The following SPOCK1 variants were observed in gnomAD, a reference collection of about 807,000 sequenced individuals.
The protein encoded by SPOCK1 is SPARC (osteonectin), cwcv and kazal like domains proteoglycan 1.
SPOCK1 carries 23 observed loss-of-function variants against 55.3 expected under a neutral mutation model. That is an observed-to-expected ratio of 0.42 (90% CI 0.30 to 0.59). The LOEUF is 0.59. SPOCK1 is among the 20% of genes least tolerant of loss of function. SPOCK1 has a pLI of 0.22. For synonymous variants in SPOCK1, 226 were observed against 221.0 expected (o/e 1.02, Z -0.20); for missense variants, 499 against 552.5 (o/e 0.90, Z 0.97).
intron 3 of SPOCK1, among the ~76,000 whole-genome samples, chr5:137,233,713 C>CTTTTTTTTTTTTTTTTTTTTT (rs56328555): frequency 5.6e-4 from 33 of 58,412 alleles, no homozygotes; most frequent in African/African-American, 8.2e-4. Flanking sequence ...AGGATATGCA[C>CTTTTTTTTTTTTTTTTTTTTT]TTTTTTTTTT....
chr5:137,224,414 C>A (rs1755911137), intron 3 of SPOCK1, among the ~76,000 whole-genome samples: 1 of 152,184 alleles, frequency 6.6e-6, no homozygotes, highest in Admixed American at 6.5e-5. Context: ...TTTCAAGGTA[C>A]AGACTCCAAA....
chr5:137,285,048 C>T (rs985615871), intron 2 of SPOCK1, among the ~76,000 whole-genome samples: 5 of 152,180 alleles, frequency 3.3e-5, no homozygotes, highest in African/African-American at 1.2e-4. Flanking sequence ...GCCCACAGTT[C>T]GATATGTGAA....
intron 2 of SPOCK1, among the ~76,000 whole-genome samples, chr5:137,366,263 A>G (rs116252381): frequency 1.1e-3 from 162 of 152,274 alleles, no homozygotes; most frequent in African/African-American, 3.6e-3. Context: ...GACAATTTTG[A>G]TGTTTTCAAA....
chr5:137,439,235 G>A (rs1185556478), intron 2 of SPOCK1, among the ~76,000 whole-genome samples: 1 of 152,178 alleles, frequency 6.6e-6, no homozygotes, highest in South Asian at 2.1e-4. Flanking sequence ...AATGCTGGAT[G>A]AAGAGTCAAA....
At chr5:137,164,216 TAA>T (rs1754608563) in intron 3 of SPOCK1, among the ~76,000 whole-genome samples, 2 of 152,162 alleles carry the variant, frequency 1.3e-5, no homozygotes, top group Admixed American at 1.3e-4. Context: ...TCTACCAGAT[TAA>T]GTTTGTCTTT....
chr5:137,430,520 C>G (rs1752722051), intron 2 of SPOCK1, among the ~76,000 whole-genome samples: 1 of 152,216 alleles, frequency 6.6e-6, no homozygotes, highest in Admixed American at 6.5e-5. Flanking sequence ...GAGACACAGC[C>G]TCTGCCCCAG....
At chr5:137,007,728 T>G (rs1209226107) in intron 6 of SPOCK1, among the ~76,000 whole-genome samples, 1 of 152,144 alleles carries the variant, frequency 6.6e-6, no homozygotes, top group African/African-American at 2.4e-5. Flanking sequence ...GAAGACAATG[T>G]GGCGATTCCT....
intron 5 of SPOCK1, among the ~76,000 whole-genome samples, chr5:137,076,102 C>T (rs1332092416): frequency 3.9e-5 from 6 of 152,292 alleles, no homozygotes; most frequent in Non-Finnish European, 2.9e-5. Flanking sequence ...ACAGCCTCAC[C>T]ATGCAAGGCC....
intron 2 of SPOCK1, among the ~76,000 whole-genome samples, chr5:137,497,013 C>T (rs1285782182): frequency 6.6e-6 from 1 of 152,152 alleles, no homozygotes; most frequent in African/African-American, 2.4e-5. Context: ...GAGTGATAAA[C>T]CCCCACACAA....
At chr5:137,410,953 A>G (rs1288254516) in intron 2 of SPOCK1, among the ~76,000 whole-genome samples, 1 of 152,238 alleles carries the variant, frequency 6.6e-6, no homozygotes, top group Non-Finnish European at 1.5e-5. Flanking sequence ...TGGGGACCTC[A>G]GGAAAGTTTG....
chr5:137,007,448 A>G (rs1751270671), intron 6 of SPOCK1, among the ~76,000 whole-genome samples: 1 of 152,106 alleles, frequency 6.6e-6, no homozygotes, highest in African/African-American at 2.4e-5. Flanking sequence ...AATTTATGAG[A>G]AAAAAACAAC....
intron 7 of SPOCK1, among the ~76,000 whole-genome samples, chr5:136,990,132 G>A (rs1050729893): frequency 2.0e-5 from 3 of 151,980 alleles, no homozygotes; most frequent in Non-Finnish European, 4.4e-5. Flanking sequence ...GGATGGTCTC[G>A]ATCTCCTGAC....
chr5:137,230,898 C>CATTCCATT (rs1309400767), intron 3 of SPOCK1, among the ~76,000 whole-genome samples: 8 of 152,040 alleles, frequency 5.3e-5, no homozygotes, highest in South Asian at 4.2e-4. Context: ...TCTTACAAAA[C>CATTCCATT]TAAGTATAAC....
chr5:137,382,871 A>ATG (rs1453445151), intron 2 of SPOCK1, among the ~76,000 whole-genome samples: 1 of 152,224 alleles, frequency 6.6e-6, no homozygotes, highest in Non-Finnish European at 1.5e-5. Flanking sequence ...AAAGCCTGTG[A>ATG]TGTGACAAGT....
chr5:137,118,612 G>A (rs573015786), intron 4 of SPOCK1, among the ~76,000 whole-genome samples: 16 of 152,268 alleles, frequency 1.1e-4, no homozygotes, highest in African/African-American at 3.6e-4. Context: ...GCAAGACAGA[G>A]TAATTTTATT....
At chr5:137,375,041 T>C (rs971311894) in intron 2 of SPOCK1, among the ~76,000 whole-genome samples, 1 of 152,158 alleles carries the variant, frequency 6.6e-6, no homozygotes, top group African/African-American at 2.4e-5. Context: ...ATGAATGGAC[T>C]CTATATGAAA....
chr5:137,075,027 C>T (rs1052546243), intron 5 of SPOCK1, among the ~76,000 whole-genome samples: 4 of 151,892 alleles, frequency 2.6e-5, no homozygotes, highest in African/African-American at 9.7e-5. Flanking sequence ...TTAGTACAGA[C>T]CGGGTTTCAC....
intron 3 of SPOCK1, among the ~76,000 whole-genome samples, chr5:137,231,341 C>T (rs577133382): frequency 1.7e-4 from 26 of 152,338 alleles, no homozygotes; most frequent in Admixed American, 1.6e-3. Flanking sequence ...GCCACCGCAC[C>T]CGGCTGGTGT....
chr5:137,445,404 C>A (rs1163770098), intron 2 of SPOCK1, among the ~76,000 whole-genome samples: 1 of 152,112 alleles, frequency 6.6e-6, no homozygotes, highest in Non-Finnish European at 1.5e-5. Context: ...TTCAGTACAG[C>A]CAGATTGAGA....
Sources: gnomAD v4.1 joint callset for allele counts (sites outside exome capture counted in the v4.1 genomes callset) on GRCh38, gnomAD v4.1.1 for gene constraint, MANE v1.5 for transcripts, NCBI Gene and HGNC (gene_info 2026-07-23, HGNC 2026-07-21) for gene names.